The following ARMC2 variants were observed in gnomAD, a reference collection of about 807,000 sequenced individuals.
ARMC2 encodes the protein armadillo repeat-containing protein 2.
ARMC2 carries 67 observed loss-of-function variants against 90.3 expected under a neutral mutation model. The ratio of observed to expected loss-of-function variants is 0.74; its 90% CI spans 0.61 to 0.91. The LOEUF (loss-of-function observed/expected upper bound fraction) is 0.91, where lower values mean the gene tolerates loss of function less well. Ranked by LOEUF, ARMC2 falls within the 40% of genes least tolerant of loss-of-function variation. The pLI is 0.00. For missense variants in ARMC2, 920 were observed against 1,030.9 expected, an observed-to-expected ratio of 0.89 and a Z score of 1.47; for synonymous variants, 393 against 393.0, an observed-to-expected ratio of 1.00 and a Z score of 0.00.
At chr6:108,914,006 A>G (rs1773697087) in intron 10 of ARMC2, among the ~76,000 whole-genome samples, 1 of 152,228 alleles carries the variant, frequency 6.6e-6, no homozygotes, top group Non-Finnish European at 1.5e-5. Context: ...TCAAATTCTC[A>G]GCCATTCCCA....
intron 2 of ARMC2, among the ~76,000 whole-genome samples, chr6:108,855,415 A>AT (rs989498962): frequency 6.6e-6 from 1 of 151,564 alleles, no homozygotes; most frequent in African/African-American, 2.4e-5. Flanking sequence ...AACCCAGCTA[A>AT]TTTTTTTGTG....
the ARMC2 span, among the ~76,000 whole-genome samples, chr6:108,983,548 T>C: frequency 6.6e-6 from 1 of 152,242 alleles, no homozygotes; most frequent in Non-Finnish European, 1.5e-5. Flanking sequence ...TTGCTAAAGA[T>C]GATTTGGCCA....
chr6:109,029,243 T>C, the ARMC2 span, among the ~76,000 whole-genome samples: 1 of 152,134 alleles, frequency 6.6e-6, no homozygotes, highest in Non-Finnish European at 1.5e-5. Flanking sequence ...CCAGAAAGAC[T>C]CTTCCTAGCC....
At chr6:108,914,706 TG>T (rs1363617838) in intron 10 of ARMC2, among the ~76,000 whole-genome samples, 1 of 152,208 alleles carries the variant, frequency 6.6e-6, no homozygotes, top group Admixed American at 6.5e-5. Context: ...CAGAATCCCC[TG>T]AATGGGACAT....
chr6:108,880,775 C>CTG, intron 5 of ARMC2, among the ~76,000 whole-genome samples: 1 of 20,346 alleles, frequency 4.9e-5, no homozygotes, highest in Non-Finnish European at 3.2e-4. Context: ...GTTCCCTTCC[C>CTG]TCTCCTTCCT....
At chr6:108,964,386 T>C in intron 16 of ARMC2, 74 bp downstream of exon 16, 2 of 1,522,432 alleles carry the variant, frequency 1.3e-6, no homozygotes, top group Non-Finnish European at 1.8e-6. Context: ...CTTTGGCCCT[T>C]TCATCATTCC....
At chr6:108,861,367 A>G (rs1682947752) in intron 3 of ARMC2, among the ~76,000 whole-genome samples, 4 of 152,246 alleles carry the variant, frequency 2.6e-5, no homozygotes, top group African/African-American at 9.6e-5. Flanking sequence ...ACATTGTGAT[A>G]CTTCATCCAC....
At chr6:109,013,872 C>A in the ARMC2 span, among the ~76,000 whole-genome samples, 1 of 152,186 alleles carries the variant, frequency 6.6e-6, no homozygotes, top group African/African-American at 2.4e-5. Context: ...TTTTTCTCCT[C>A]CAGCTCATAT....
At chr6:108,904,084 A>G (rs1259440420) in intron 7 of ARMC2, 146 bp from the exon 8 acceptor site, 1 of 919,520 alleles carries the variant, frequency 1.1e-6, no homozygotes, top group Non-Finnish European at 1.7e-6. Flanking sequence ...GATGGAAGTG[A>G]TAAGATAAGA....
chr6:108,970,884 G>A (rs112147992), intron 17 of ARMC2, among the ~76,000 whole-genome samples: 345 of 152,238 alleles, frequency 2.3e-3, no homozygotes, highest in African/African-American at 8.0e-3. Flanking sequence ...AAAATTTAAT[G>A]TTCAGAAAAT....
the ARMC2 span, among the ~76,000 whole-genome samples, chr6:109,045,997 C>T: frequency 1.3e-5 from 2 of 152,128 alleles, no homozygotes; most frequent in African/African-American, 4.8e-5. Context: ...AATGAAAAAC[C>T]AATGCCTCAA....
At position 108,901,020 on chromosome 6, in the gene ARMC2, GCA is replaced by G. The variant is rs373124500; in HGVS notation, c.847+1231_847+1232del. On this transcript the variant is annotated intron_variant, in intron 7 of 17. Coordinates refer to ENST00000392644, the MANE Select transcript of ARMC2 (RefSeq NM_032131.6). ...TAAGGGTTACACAAGAAAATATATT[GCA>G]CAACATTGAATGGGGACACTGAGTC... Among the ~76,000 whole-genome samples, 537 of 146,902 alleles carry G rather than the reference GCA, an allele frequency of 3.7e-3. 2 individuals are homozygous for G. Among genetic ancestry groups the G allele is most frequent in the African/African-American group, 0.013 (500 of 39,892 alleles).
At chr6:109,015,076 A>G in the ARMC2 span, among the ~76,000 whole-genome samples, 1 of 152,164 alleles carries the variant, frequency 6.6e-6, no homozygotes. Flanking sequence ...CCATTAAAAA[A>G]TTGTTTAAGC....
rs1778268913 is a variant in ARMC2 at position 108,965,107 on chromosome 6, A to G, written c.2413A>G (p.Asn805Asp). The change falls in exon 17 of 18, where the codon AAC (asparagine) becomes GAC (aspartate). Residue 805 changes from asparagine to aspartate, a missense_variant. Transcript: ENST00000392644. ...ASSCFGNEDT[N>D]TLLLLLSSFL... ...GTCATGTTTTGGAAATGAAGACACC[A>G]ACACACTCTTACTCTTGCTCTCATC... 6.2e-7 allele frequency: 1 copy of G among 1,613,342 alleles called. No individual in the cohort carries two copies. The highest frequency in any genetic ancestry group is 1.3e-5 in the African/African-American group (1 of 74,934).
intron 11 of ARMC2, 149 bp from the exon 12 acceptor site, chr6:108,936,751 T>A: frequency 1.5e-6 from 1 of 664,210 alleles, no homozygotes; most frequent in Non-Finnish European, 2.5e-6. Context: ...CCTTGCAGCT[T>A]CTCTGAACTG....
At chr6:108,912,628 A>C in intron 10 of ARMC2, 70 bp downstream of exon 10, 2 of 1,414,102 alleles carry the variant, frequency 1.4e-6, no homozygotes, top group Non-Finnish European at 2.0e-6. Context: ...CAGTTTTAAA[A>C]GAATGGCATG....
intron 12 of ARMC2, among the ~76,000 whole-genome samples, chr6:108,951,702 C>T (rs11153138): frequency 0.3 from 45,278 of 152,188 alleles, 8,344 homozygotes; most frequent in East Asian, 0.58. Flanking sequence ...CCACACCCGA[C>T]GCCCCTCACG....
the ARMC2 span, among the ~76,000 whole-genome samples, chr6:109,050,137 A>T: frequency 6.6e-6 from 1 of 152,196 alleles, no homozygotes; most frequent in Non-Finnish European, 1.5e-5. Context: ...ACTTTTCAAC[A>T]GGTTTTATGG....
chr6:108,947,209 G>T (rs977101550), intron 12 of ARMC2, among the ~76,000 whole-genome samples: 1 of 152,110 alleles, frequency 6.6e-6, no homozygotes, highest in African/African-American at 2.4e-5. Context: ...TGACTGCTTG[G>T]TGAGGGGATG....
Sources: allele counts gnomAD v4.1 joint callset (sites outside exome capture counted in the v4.1 genomes callset), GRCh38; gene constraint gnomAD v4.1.1; transcripts MANE v1.5; gene names NCBI Gene and HGNC (gene_info 2026-07-23, HGNC 2026-07-21).